The following CROCC2 variants were observed in gnomAD, a reference collection of about 807,000 sequenced individuals.
The protein encoded by CROCC2 is ciliary rootlet coiled-coil, rootletin family member 2.
A neutral mutation model predicts 177.6 loss-of-function variants in CROCC2; 163 were observed. The observed-to-expected ratio is 0.92, with a 90% CI of 0.81 to 1.05. The LOEUF is 1.05. Ranked by LOEUF, CROCC2 falls within the 50% of genes least tolerant of loss-of-function variation. The pLI is 0.00. For missense variants in CROCC2, 1,929 were observed against 1,797.8 expected, an observed-to-expected ratio of 1.07 and a Z score of -1.32; for synonymous variants, 904 against 787.3, an observed-to-expected ratio of 1.15 and a Z score of -2.48.
chr2:240,935,520 G>C lies in CROCC2; in HGVS notation c.2101G>C (p.Glu701Gln). The C allele has an allele frequency of 1.3e-5, 17 of 1,350,528 alleles. No individual in the cohort carries two copies. Among genetic ancestry groups the C allele is most frequent in the Non-Finnish European group, 1.6e-5 (17 of 1,048,692 alleles). The allele number at this position is 1,350,528 out of a possible 1,614,324, so 83.7% of individuals were successfully genotyped here. The change falls in exon 14 of 32, where the codon GAG (glutamate) becomes CAG (glutamine). Residue 701 changes from glutamate to glutamine, a missense_variant. Glu to Gln is a conservative substitution (Grantham distance 29). Around this residue, in one of 3 missense-constraint regions of CROCC2, gnomAD observed 1,397 missense variants for 1,239.9 expected, o/e 1.13. Transcript: ENST00000690015. ...QACGRLEQRQ[E>Q]QLEGQAALLG... The stretch of plus-strand genomic sequence containing the variant: ...CTGCGGACGCCTGGAGCAGCGGCAG[G>C]AGCAGCTGGAGGGGCAGGCAGCCCT...
At position 240,982,972 on chromosome 2, in the gene CROCC2, C is replaced by T. The variant is rs1559191501; in HGVS notation, c.4494C>T (p.Leu1498=). 2 of 1,550,484 alleles carry T rather than the reference C, an allele frequency of 1.3e-6. No homozygotes were observed. Among genetic ancestry groups the T allele is most frequent in the Non-Finnish European group, 1.7e-6 (2 of 1,146,972 alleles). ...AKQGKLLEEQ[L]TNLEHRCQKA... ...AGGGGAAGCTGCTGGAAGAACAGCTCACCAACTTGGAGCACAGGTGCCAGA... is the reference window on the plus strand; with the variant it reads ...AGGGGAAGCTGCTGGAAGAACAGCTTACCAACTTGGAGCACAGGTGCCAGA... The change falls in exon 28 of 32, where the codon CTC becomes CTT. Residue 1498 remains leucine, a synonymous_variant. Coordinates refer to ENST00000690015, the MANE Select transcript of CROCC2 (RefSeq NM_001351305.2). The surrounding 1 kb of genome is among the most constrained non-coding windows in gnomAD (Gnocchi z 4.7).
rs1033572934 is a variant in CROCC2 at position 240,950,469 on chromosome 2, C to T, written c.2788C>T (p.Arg930Trp). The change falls in exon 18 of 32, where the codon CGG becomes TGG. Residue 930 changes from arginine to tryptophan, a missense_variant. By Grantham distance (101) the Arg-to-Trp change is moderately radical. This residue lies in a region of CROCC2 where 1,397 missense variants were observed against 1,239.9 expected (regional missense o/e 1.13). Coordinates refer to ENST00000690015, the MANE Select transcript of CROCC2 (RefSeq NM_001351305.2). Reference sequence around the variant, plus strand: ...GGAAATTCAGAGCCTGAAGCAGGAGCGGGACGAGAGCCTTCTCCAACTGGA... The same window carrying T: ...GGAAATTCAGAGCCTGAAGCAGGAGTGGGACGAGAGCCTTCTCCAACTGGA... The part of the protein sequence containing the change: ...KGEIQSLKQE[R>W]DESLLQLEHK... The T allele has an allele frequency of 2.7e-5, 42 of 1,550,010 alleles. No individual in the cohort carries two copies. Among genetic ancestry groups the T allele is most frequent in the African/African-American group, 8.2e-5 (6 of 72,970 alleles).
chr2:240,970,403 G>A (rs985360392), intron 27 of CROCC2, among the ~76,000 whole-genome samples: 6 of 152,132 alleles, frequency 3.9e-5, no homozygotes, highest in Admixed American at 2.6e-4. Flanking sequence ...GAAGTTTTGT[G>A]GTAACCCATG....
In CROCC2 at chr2:240,966,239, C is replaced by T. The variant is rs549753791; in HGVS notation, c.3976C>T (p.Gln1326Ter). 1.2e-5 allele frequency: 9 copies of T among 772,990 alleles called. No homozygotes were observed. In the South Asian group the frequency reaches 5.2e-4, roughly 44 times the overall value. 47.9% of individuals were successfully genotyped at this position (772,990 alleles called of 1,614,324 possible). A position where few individuals can be genotyped will look rare whatever the true frequency, so the allele number is the denominator to read the frequency against. Residue 1326 changes from glutamine (Q) to a stop codon, truncating the protein, a stop_gained, in exon 25 of 32, where the codon CAG becomes TAG. Transcript: ENST00000690015. LOFTEE classifies it high-confidence loss of function. ...GSPTKGSDSSQALPGQQGTSP... is the reference protein window; with the variant it reads ...GSPTKGSDSS The stretch of plus-strand genomic sequence containing the variant: ...ACCTCCCGCAGGCTCCGACAGCTCC[C>T]AGGCTCTCCCTGGGCAACAGGGTAC...
chr2:240,959,632 C>G, intron 20 of CROCC2, 188 bp downstream of exon 20: 1 of 686,580 alleles, frequency 1.5e-6, no homozygotes, highest in Non-Finnish European at 2.3e-6. Flanking sequence ...GGCCCTCACA[C>G]CACGCACTAA....
intron 3 of CROCC2, among the ~76,000 whole-genome samples, chr2:240,920,552 C>T (rs560393302): frequency 1.3e-5 from 2 of 152,338 alleles, no homozygotes; most frequent in South Asian, 2.1e-4. Context: ...CAGCAGGCAC[C>T]GACCCCAACC....
At chr2:240,956,065 C>A in intron 19 of CROCC2, 93 bp downstream of exon 19, 1 of 863,534 alleles carries the variant, frequency 1.2e-6, no homozygotes, top group Non-Finnish European at 1.8e-6. Flanking sequence ...AGTGGCATGA[C>A]CCTCTCCATC....
intron 28 of CROCC2, chr2:240,985,865 C>CA (rs1444710398): frequency 9.1e-6 from 4 of 437,170 alleles, no homozygotes; most frequent in South Asian, 6.4e-5. Flanking sequence ...CACTGCCCCC[C>CA]ACAGCAGGGT....
intron 3 of CROCC2, among the ~76,000 whole-genome samples, chr2:240,920,898 G>A (rs1322141787): frequency 6.6e-6 from 1 of 152,242 alleles, no homozygotes; most frequent in Non-Finnish European, 1.5e-5. Context: ...CAAGGAGCCA[G>A]TGCGTGGAGT....
At chr2:240,967,523 C>T in intron 26 of CROCC2, 58 bp downstream of exon 26, 1 of 1,541,204 alleles carries the variant, frequency 6.5e-7, no homozygotes, top group Non-Finnish European at 8.8e-7. Context: ...GTGGCACCAC[C>T]ATGTCCCCAC....
intron 28 of CROCC2, chr2:240,986,008 C>T (rs2059838602): frequency 2.2e-6 from 1 of 454,916 alleles, no homozygotes; most frequent in Non-Finnish European, 4.4e-6. Flanking sequence ...CTCAAGCTGT[C>T]TGCACAGTTG....
At chr2:240,942,240 G>A (rs149720374) in intron 14 of CROCC2, among the ~76,000 whole-genome samples, 103 of 152,112 alleles carry the variant, frequency 6.8e-4, no homozygotes, top group African/African-American at 2.2e-3. Flanking sequence ...GTTATAAACC[G>A]TACATTACTT....
intron 1 of CROCC2, among the ~76,000 whole-genome samples, chr2:240,914,130 C>A (rs539521184): frequency 6.6e-6 from 1 of 152,214 alleles, no homozygotes; most frequent in Non-Finnish European, 1.5e-5. Context: ...AGGGGGCACA[C>A]AGGGGAGGAG....
chr2:240,957,815 A>G, intron 19 of CROCC2: 1 of 229,124 alleles, frequency 4.4e-6, no homozygotes, highest in Non-Finnish European at 7.2e-6. Context: ...GGGGCCCAGG[A>G]GGACCAAGCT....
rs996316799 is a variant in CROCC2, at chr2:240,960,489, G to C, written c.3087+1045G>C. On this transcript the variant is annotated intron_variant, in intron 20 of 31. Transcript: ENST00000690015. The surrounding 1 kb of genome is among the most constrained non-coding windows in gnomAD (Gnocchi z 5.0). ...AGGCAGATTGGAGAGGCATTTCTGA[G>C]GGGGGTTGGCAGGACGGGGGGACGC... 2.0e-5 allele frequency among the ~76,000 whole-genome samples: 3 copies of C among 152,086 alleles called. No individual in the cohort carries two copies. Among genetic ancestry groups the C allele is most frequent in the Non-Finnish European group, 2.9e-5 (2 of 67,984 alleles).
In CROCC2 at chr2:240,993,098, G is replaced by T. The variant is rs983585828; in HGVS notation, c.*17G>T. 5.6e-6 allele frequency: 4 copies of T among 716,628 alleles called. No homozygotes were observed. In the African/African-American group the frequency reaches 7.0e-5, roughly 13 times the overall value. 44.4% of individuals were successfully genotyped at this position (716,628 alleles called of 1,614,324 possible). ...AGGGACTGAAGCTCCCAGCACAGGG[G>T]AGGCGCCCAGCGTGGCTGCAGAGGA... On this transcript the variant is annotated 3_prime_UTR_variant, in exon 32 of 32. Transcript: ENST00000690015.
intron 27 of CROCC2, among the ~76,000 whole-genome samples, chr2:240,974,030 T>A (rs948025557): frequency 1.2e-4 from 18 of 152,216 alleles, no homozygotes; most frequent in African/African-American, 4.1e-4. Context: ...CCTGTGGGAG[T>A]GTAACTTATC....
intron 27 of CROCC2, among the ~76,000 whole-genome samples, chr2:240,971,352 C>T (rs182366597): frequency 9.0e-4 from 137 of 152,306 alleles, no homozygotes; most frequent in Admixed American, 7.6e-3. Context: ...CACGTGGGTC[C>T]GAGCAACATG....
chr2:240,987,240 C>A (rs1482180385), intron 28 of CROCC2, among the ~76,000 whole-genome samples: 2 of 152,062 alleles, frequency 1.3e-5, no homozygotes, highest in South Asian at 2.1e-4. Flanking sequence ...CAGTGCCCAC[C>A]GTGAGTCCCT....
Sources: gnomAD v4.1 joint callset for allele counts (sites outside exome capture counted in the v4.1 genomes callset) on GRCh38, gnomAD v4.1.1 for gene constraint, gnomAD v4.1.1 regional missense constraint, Gnocchi (gnomAD v3.1) non-coding constraint, MANE v1.5 for transcripts, NCBI Gene and HGNC (gene_info 2026-07-23, HGNC 2026-07-21) for gene names.